The following EML6 variants were observed in gnomAD, a reference collection of about 807,000 sequenced individuals.
EML6 encodes EMAP like 6, also known as echinoderm microtubule-associated protein-like 6.
EML6 carries 154 observed loss-of-function variants against 240.1 expected under a neutral mutation model. The ratio of observed to expected loss-of-function variants is 0.64; its 90% CI spans 0.56 to 0.73. The LOEUF is 0.73. Ranked by LOEUF, EML6 falls within the 30% of genes least tolerant of loss-of-function variation. EML6 has a pLI of 0.00. For synonymous variants in EML6, 1,148 were observed against 899.0 expected (o/e 1.28, Z -4.95); for missense variants, 2,964 against 2,474.6 (o/e 1.20, Z -4.20).
intron 2 of EML6, among the ~76,000 whole-genome samples, chr2:54,775,337 C>T (rs1397306704): frequency 6.6e-6 from 1 of 152,212 alleles, no homozygotes; most frequent in Non-Finnish European, 1.5e-5. Flanking sequence ...TCTAGCCACA[C>T]TGGCTTCTTT....
chr2:54,827,728 C>A lies in EML6; in HGVS notation c.688C>A (p.Arg230Ser). Residue 230 changes from arginine (R) to serine (S), a missense_variant, in exon 6 of 42, where the codon CGC (arginine) becomes AGC (serine). Arg to Ser is a moderately radical substitution (Grantham distance 110). Coordinates refer to ENST00000356458, the MANE Select transcript of EML6 (RefSeq NM_001039753.4). ...TGTCTGGAAAGGGCTCAATTTAGTCCGCACCATTCAAGGAGCACATAGTGT... is the reference window on the plus strand; with the variant it reads ...TGTCTGGAAAGGGCTCAATTTAGTCAGCACCATTCAAGGAGCACATAGTGT... ...IYVWKGLNLV[R>S]TIQGAHSAGI... The A allele has an allele frequency of 6.4e-7, 1 of 1,551,496 alleles. No homozygotes were observed. The highest frequency in any genetic ancestry group is 1.2e-5 in the South Asian group (1 of 84,034).
chr2:54,763,512 ATCTTT>A (rs1461769364), intron 2 of EML6, among the ~76,000 whole-genome samples: 2 of 152,226 alleles, frequency 1.3e-5, no homozygotes, highest in Non-Finnish European at 2.9e-5. Context: ...TCATTTTATT[ATCTTT>A]TAAGTTAGCA....
chr2:54,824,534 T>G (rs202107653), intron 5 of EML6, among the ~76,000 whole-genome samples: 1 of 152,194 alleles, frequency 6.6e-6, no homozygotes, highest in Non-Finnish European at 1.5e-5. Flanking sequence ...TGCAAAATCT[T>G]TGTACTCAAA....
intron 19 of EML6, 126 bp downstream of exon 19, chr2:54,892,782 T>A (rs141246596): frequency 2.9e-6 from 2 of 687,512 alleles, no homozygotes; most frequent in Non-Finnish European, 4.8e-6. Flanking sequence ...GTAGTTGTCA[T>A]AAAGCTCAGT....
chr2:54,958,918 G>C (rs754372854), intron 33 of EML6, among the ~76,000 whole-genome samples, 186 bp from the exon 34 acceptor site: 1 of 152,142 alleles, frequency 6.6e-6, no homozygotes, highest in African/African-American at 2.4e-5. Flanking sequence ...TCCAAGCCAG[G>C]TGACTGCCTT....
intron 2 of EML6, among the ~76,000 whole-genome samples, chr2:54,792,546 A>G (rs1209299987): frequency 6.6e-6 from 1 of 152,236 alleles, no homozygotes; most frequent in Admixed American, 6.5e-5. Context: ...CACAAGGGGC[A>G]CAGGGGAAAT....
At chr2:54,946,229 A>G (rs1257020916) in intron 28 of EML6, among the ~76,000 whole-genome samples, 1 of 151,796 alleles carries the variant, frequency 6.6e-6, no homozygotes, top group African/African-American at 2.4e-5. Flanking sequence ...CTCAAAGCCT[A>G]CTTGCCCCAC....
At chr2:54,832,532 G>A (rs1000087097) in intron 7 of EML6, among the ~76,000 whole-genome samples, 6 of 152,286 alleles carry the variant, frequency 3.9e-5, no homozygotes, top group Admixed American at 3.9e-4. Context: ...ACAAGTGTAG[G>A]AATTAAAATA....
chr2:54,809,490 C>T (rs1236311652), intron 2 of EML6, among the ~76,000 whole-genome samples: 2 of 152,132 alleles, frequency 1.3e-5, no homozygotes, highest in African/African-American at 2.4e-5. Context: ...AAAGACCTGA[C>T]CTTTTAATCT....
chr2:54,813,009 C>T (rs1257302589), intron 2 of EML6, among the ~76,000 whole-genome samples: 1 of 152,100 alleles, frequency 6.6e-6, no homozygotes, highest in African/African-American at 2.4e-5. Context: ...TCAAGGTAAC[C>T]AATGGGTAAG....
intron 2 of EML6, among the ~76,000 whole-genome samples, chr2:54,793,444 T>A (rs1572904894): frequency 6.6e-6 from 1 of 151,252 alleles, no homozygotes; most frequent in African/African-American, 2.4e-5. Flanking sequence ...AATCCCTGTT[T>A]CTAATAAAAT....
chr2:54,911,861 C>G lies in EML6; in HGVS notation c.3498+819C>G, dbSNP rs575505817. Among the ~76,000 whole-genome samples, 123 of 152,292 alleles carry G rather than the reference C, an allele frequency of 8.1e-4. 2 individuals are homozygous for G. Among genetic ancestry groups the G allele is most frequent in the African/African-American group, 2.9e-3 (121 of 41,562 alleles). On this transcript the variant is annotated intron_variant, in intron 25 of 41. Coordinates refer to ENST00000356458, the MANE Select transcript of EML6 (RefSeq NM_001039753.4). ...TACACGATTTTTTAGTTGCTGAAAT[C>G]AAAGCCTAGATAAAATTTTTGAATC...
At chr2:54,888,143 A>G (rs9309260) in intron 17 of EML6, among the ~76,000 whole-genome samples, 1 of 151,986 alleles carries the variant, frequency 6.6e-6, no homozygotes, top group Non-Finnish European at 1.5e-5. Flanking sequence ...GTGCTCAAAT[A>G]TCTCTCTCGA....
chr2:54,785,170 CTT>C (rs57639955), intron 2 of EML6, among the ~76,000 whole-genome samples: 5,994 of 102,642 alleles, frequency 0.058, 484 homozygotes, highest in African/African-American at 0.19. Context: ...CACACACACA[CTT>C]TTTTTTTTTT....
At chr2:54,962,369 C>T (rs953450924) in intron 35 of EML6, among the ~76,000 whole-genome samples, 154 bp from the exon 36 acceptor site, 3 of 152,118 alleles carry the variant, frequency 2.0e-5, no homozygotes, top group African/African-American at 7.2e-5. Context: ...TGTAACTGTA[C>T]CCACTGAACA....
In EML6 at chr2:54,933,239, A is replaced by G. The variant is rs1031212488; in HGVS notation, c.4004+4488A>G. Among the ~76,000 whole-genome samples, 13 of 152,170 alleles carry G rather than the reference A, an allele frequency of 8.5e-5. 1 individual carries two copies. Among genetic ancestry groups the G allele is most frequent in the Admixed American group, 7.2e-4 (11 of 15,276 alleles). Reference sequence around the variant, plus strand: ...CCCCAGGACTACCCTTGAACCAATCACTATGGGCTAGGAAGAAAAAGTCTT... The same window carrying G: ...CCCCAGGACTACCCTTGAACCAATCGCTATGGGCTAGGAAGAAAAAGTCTT... On this transcript the variant is annotated intron_variant, in intron 28 of 41. Transcript: ENST00000356458.
chr2:54,934,348 C>T (rs1367876015), intron 28 of EML6, among the ~76,000 whole-genome samples: 1 of 152,034 alleles, frequency 6.6e-6, no homozygotes, highest in East Asian at 1.9e-4. Flanking sequence ...TGAGCTCCTC[C>T]CTTGACGAGA....
chr2:54,904,565 A>G (rs1319464470), intron 24 of EML6, among the ~76,000 whole-genome samples: 6 of 152,198 alleles, frequency 3.9e-5, no homozygotes, highest in Non-Finnish European at 8.8e-5. Flanking sequence ...TTCCAGGCAA[A>G]AGGAATATGG....
rs1435684821 is a variant in EML6, at chr2:54,892,459, G to C, written c.2545G>C (p.Gly849Arg). The part of the protein sequence containing the change: ...HIKFWQQAGG[G>R]FTSKRGTFGS... ...CTGTTCTTGGTCCACTCTAGGTGGGGGCTTCACTTCTAAAAGAGGAACTTT... is the reference window on the plus strand; with the variant it reads ...CTGTTCTTGGTCCACTCTAGGTGGGCGCTTCACTTCTAAAAGAGGAACTTT... Residue 849 changes from glycine (G) to arginine (R), a missense_variant, in exon 19 of 42, where the codon GGC (glycine) becomes CGC (arginine). Coordinates refer to ENST00000356458, the MANE Select transcript of EML6 (RefSeq NM_001039753.4). 1 of 1,550,496 alleles carries C rather than the reference G, an allele frequency of 6.4e-7. No individual in the cohort carries two copies. Among genetic ancestry groups the C allele is most frequent in the Non-Finnish European group, 8.7e-7 (1 of 1,146,026 alleles).
Sources: allele counts gnomAD v4.1 joint callset (sites outside exome capture counted in the v4.1 genomes callset), GRCh38; gene constraint gnomAD v4.1.1; transcripts MANE v1.5; gene names NCBI Gene and HGNC (gene_info 2026-07-23, HGNC 2026-07-21).